SYNM: variants seen among roughly 807,000 people sequenced by gnomAD.
SYNM encodes synemin.
Under a neutral mutation model 104.0 loss-of-function variants are expected in SYNM, and 95 were observed. That is an observed-to-expected ratio of 0.91 (90% CI 0.77 to 1.08). The LOEUF (loss-of-function observed/expected upper bound fraction) is 1.08, where lower values mean the gene tolerates loss of function less well. Ranked by LOEUF, SYNM falls within the 50% of genes least tolerant of loss-of-function variation. The probability of loss-of-function intolerance (pLI) is 0.00; values close to 1 mark genes in which losing one functional copy is unlikely to be tolerated. For missense variants in SYNM, 2,150 were observed against 2,052.2 expected (o/e 1.05, Z -0.92); for synonymous variants, 918 against 869.0 (o/e 1.06, Z -0.99).
chr15:99,131,794 C>G lies in SYNM; in HGVS notation c.3434C>G (p.Pro1145Arg). ...WRTERMSYEG[P>R]TAEVVEVSAG... ...ACTGAGCGAATGTCATATGAAGGAC[C>G]CACTGCAGAAGTGGTGGAGGTAAGT... Residue 1145 changes from proline to arginine, a missense_variant, in exon 4 of 4, where the codon CCC (proline) becomes CGC (arginine). By Grantham distance (103) the Pro-to-Arg change is moderately radical. Transcript: ENST00000336292. The surrounding 1 kb of genome is among the most constrained non-coding windows in gnomAD (Gnocchi z 4.3). 1 of 1,613,988 alleles carries G rather than the reference C, an allele frequency of 6.2e-7. No homozygotes were observed. Among genetic ancestry groups the G allele is most frequent in the Non-Finnish European group, 8.5e-7 (1 of 1,179,892 alleles).
intron 2 of SYNM, 53 bp downstream of exon 2, chr15:99,113,768 C>G (rs1395285167): frequency 5.0e-6 from 8 of 1,601,518 alleles, no homozygotes; most frequent in African/African-American, 2.7e-5. Context: ...GTGTAACTTG[C>G]ACATGAAGGA....
chr15:99,132,764 C>A lies in SYNM; in HGVS notation c.4404C>A (p.Asn1468Lys). 1.9e-6 allele frequency: 3 copies of A among 1,613,852 alleles called. No individual in the cohort carries two copies. The highest frequency in any genetic ancestry group is 2.5e-6 in the Non-Finnish European group (3 of 1,179,872). ...TTACCTTTCAGATGGATGTGAGTAA[C>A]GTAGAGGCGATCCGCAGCCGGACAC... ...TSFTFQMDVS[N>K]VEAIRSRTQE... The change falls in exon 4 of 4, where the codon AAC (asparagine) becomes AAA (lysine). Residue 1468 changes from asparagine to lysine, a missense_variant. Transcript: ENST00000336292.
downstream of SYNM, chr15:99,139,420 A>G: frequency 6.2e-7 from 1 of 1,614,100 alleles, no homozygotes; most frequent in Non-Finnish European, 8.5e-7. Flanking sequence ...CCAAGCAGCT[A>G]TCATGAGGCT....
chr15:99,120,375 A>G (rs78825197), intron 2 of SYNM, among the ~76,000 whole-genome samples: 4,516 of 152,246 alleles, frequency 0.03, 203 homozygotes, highest in African/African-American at 0.1. Flanking sequence ...GAGAAGCTGG[A>G]AATGACTTTT....
intron 1 of SYNM, among the ~76,000 whole-genome samples, chr15:99,108,655 G>A (rs139668619): frequency 1.2e-3 from 189 of 152,342 alleles, no homozygotes; most frequent in Admixed American, 4.6e-3. Flanking sequence ...CCACACCAGT[G>A]TTACGAAGTG....
At chr15:99,140,047 A>C (rs1555489539), downstream of SYNM, 1 of 222,782 alleles carries the variant, frequency 4.5e-6, no homozygotes, top group African/African-American at 2.3e-5. Flanking sequence ...AGGTGGAGGA[A>C]CTTGCTTTAC....
At chr15:99,111,261 A>G (rs1292676628) in intron 1 of SYNM, among the ~76,000 whole-genome samples, 1 of 152,178 alleles carries the variant, frequency 6.6e-6, no homozygotes, top group Non-Finnish European at 1.5e-5. Flanking sequence ...ACAACATTTG[A>G]ACTTCTTTGT....
chr15:99,109,029 A>T (rs782323473), intron 1 of SYNM, among the ~76,000 whole-genome samples: 5 of 151,956 alleles, frequency 3.3e-5, no homozygotes, highest in Non-Finnish European at 1.5e-5. Flanking sequence ...TGGAGGCAGG[A>T]GCTGGAGGCA....
intron 1 of SYNM, 85 bp downstream of exon 1, chr15:99,106,094 C>G: frequency 7.6e-7 from 1 of 1,309,914 alleles, no homozygotes; most frequent in East Asian, 3.1e-5. Context: ...GGCAGCGGCC[C>G]CTTCACCAGG....
At chr15:99,111,249 T>G (rs1036719212) in intron 1 of SYNM, among the ~76,000 whole-genome samples, 15 of 152,226 alleles carry the variant, frequency 9.9e-5, no homozygotes, top group Non-Finnish European at 1.9e-4. Flanking sequence ...CTAAGCAGTT[T>G]AACAACATTT....
chr15:99,109,791 G>T (rs2067284265), intron 1 of SYNM, among the ~76,000 whole-genome samples: 1 of 152,168 alleles, frequency 6.6e-6, no homozygotes, highest in Non-Finnish European at 1.5e-5. Flanking sequence ...GCCTTCAGGT[G>T]GAAACAGCGT....
chr15:99,139,191 C>T (rs782606635), downstream of SYNM: 1 of 1,219,262 alleles, frequency 8.2e-7, no homozygotes, highest in South Asian at 1.3e-5. Context: ...GTCCTTTATG[C>T]AAGTTATGGG....
intron 2 of SYNM, among the ~76,000 whole-genome samples, chr15:99,125,009 T>G (rs578078259): frequency 6.6e-6 from 1 of 152,346 alleles, no homozygotes; most frequent in South Asian, 2.1e-4. Flanking sequence ...TGGTGATGCT[T>G]TGGAATTCTG....
downstream of SYNM, chr15:99,137,918 T>G (rs1212907629): frequency 1.3e-6 from 2 of 1,566,402 alleles, no homozygotes. Context: ...GTATCCTGAC[T>G]GTTGAATTCC....
At chr15:99,139,403 T>C, downstream of SYNM, 1 of 1,614,146 alleles carries the variant, frequency 6.2e-7, no homozygotes, top group Admixed American at 1.7e-5. Context: ...GGAGACACTG[T>C]AGAACACCAA....
chr15:99,118,271 C>G (rs1946306841), intron 2 of SYNM, among the ~76,000 whole-genome samples: 1 of 152,272 alleles, frequency 6.6e-6, no homozygotes, highest in African/African-American at 2.4e-5. Flanking sequence ...CGATGTGAGT[C>G]TTGCTCAGTA....
chr15:99,129,652 C>T lies in SYNM; in HGVS notation c.1292C>T (p.Thr431Ile). The T allele has an allele frequency of 6.2e-7, 1 of 1,613,914 alleles. No homozygotes were observed. Among genetic ancestry groups the T allele is most frequent in the South Asian group, 1.1e-5 (1 of 91,074 alleles). ...SQTNVRTFSP[T>I]YGLLRNTEAQ... ...ACCAACGTCAGAACTTTCTCTCCAA[C>T]CTATGGCCTTTTAAGAAATACTGAG... is the stretch of plus-strand genomic sequence containing the variant. The change falls in exon 4 of 4, where the codon ACC becomes ATC. Residue 431 changes from threonine (T) to isoleucine (I), a missense_variant. Thr to Ile is a moderately conservative substitution (Grantham distance 89, BLOSUM62 -1). Transcript: ENST00000336292.
chr15:99,111,998 G>A (rs2067303616), intron 1 of SYNM, among the ~76,000 whole-genome samples: 1 of 152,254 alleles, frequency 6.6e-6, no homozygotes, highest in Non-Finnish European at 1.5e-5. Context: ...GCAGTGAGCC[G>A]AGATTGTGCC....
chr15:99,123,297 T>C (rs2151805448), intron 2 of SYNM, among the ~76,000 whole-genome samples: 1 of 112,700 alleles, frequency 8.9e-6, no homozygotes, highest in South Asian at 3.0e-4. Context: ...CTCTGTTGAT[T>C]ATCTGGTTTT....
Sources: allele counts gnomAD v4.1 joint callset (sites outside exome capture counted in the v4.1 genomes callset), GRCh38; gene constraint gnomAD v4.1.1; non-coding constraint Gnocchi (gnomAD v3.1); transcripts MANE v1.5; gene names NCBI Gene and HGNC (gene_info 2026-07-23, HGNC 2026-07-21).